Variants in PRDM5 observed in about 807,000 individuals in gnomAD.
PRDM5 encodes PR domain zinc finger protein 5.
Under a neutral mutation model 81.2 loss-of-function variants are expected in PRDM5, and 56 were observed. The ratio of observed to expected loss-of-function variants is 0.69; its 90% CI spans 0.56 to 0.86. PRDM5 has a LOEUF of 0.86. Ranked by LOEUF, PRDM5 falls within the 40% of genes least tolerant of loss-of-function variation. The pLI is 0.00. For synonymous variants in PRDM5, 267 were observed against 256.4 expected (o/e 1.04, Z -0.39); for missense variants, 697 against 770.1 (o/e 0.91, Z 1.12).
intron 3 of PRDM5, chr4:120,837,491 A>G (rs994862812): frequency 1.3e-5 from 2 of 152,230 alleles, no homozygotes; most frequent in Non-Finnish European, 2.9e-5. Flanking sequence ...AATCTTTTAC[A>G]TACAACTTAC....
chr4:120,831,826 T>A (rs1756754074), intron 3 of PRDM5, among the ~76,000 whole-genome samples: 1 of 152,148 alleles, frequency 6.6e-6, no homozygotes, highest in Non-Finnish European at 1.5e-5. Flanking sequence ...TTTATAAAAC[T>A]TAAGGTAAAA....
At chr4:120,697,819 G>A (rs35345473) in intron 15 of PRDM5, among the ~76,000 whole-genome samples, 42,759 of 151,174 alleles carry the variant, frequency 0.28, 6,842 homozygotes, top group Non-Finnish European at 0.35. Flanking sequence ...ACATCCAGCC[G>A]AGATTGTAAT....
At chr4:120,905,139 T>C (rs887391113) in intron 2 of PRDM5, among the ~76,000 whole-genome samples, 1 of 152,180 alleles carries the variant, frequency 6.6e-6, no homozygotes, top group African/African-American at 2.4e-5. Context: ...TCAGACAATA[T>C]CAATAACATT....
chr4:120,738,005 C>T (rs964009930), intron 14 of PRDM5, among the ~76,000 whole-genome samples: 1 of 152,172 alleles, frequency 6.6e-6, no homozygotes, highest in Non-Finnish European at 1.5e-5. Context: ...TTCCTGTCTA[C>T]ATGAAAGTCA....
intron 12 of PRDM5, among the ~76,000 whole-genome samples, chr4:120,780,462 C>A (rs1486127637): frequency 6.6e-6 from 1 of 151,924 alleles, no homozygotes; most frequent in Non-Finnish European, 1.5e-5. Flanking sequence ...GGAAAAAAGT[C>A]AACATTAAAA....
At chr4:120,907,368 A>T (rs554046289) in intron 2 of PRDM5, 106 bp downstream of exon 2, 3 of 993,128 alleles carry the variant, frequency 3.0e-6, no homozygotes, top group Non-Finnish European at 4.6e-6. Flanking sequence ...ACATTTCAAT[A>T]CTTAAATACT....
At position 120,898,585 on chromosome 4, in the gene PRDM5, T is replaced by C. The variant is rs149048851; in HGVS notation, c.177+8889A>G. ...TTCATCTCTCCAAAATTATCACCTC[T>C]CTGGAGCTTTAGTCACTCTAGGACT... is the stretch of plus-strand genomic sequence containing the variant. On this transcript the variant is annotated intron_variant, in intron 2 of 15. Coordinates refer to ENST00000264808, the MANE Select transcript of PRDM5 (RefSeq NM_018699.4). 1.7e-3 allele frequency among the ~76,000 whole-genome samples: 259 copies of C among 152,264 alleles called. 2 individuals carry two copies. Among genetic ancestry groups the C allele is most frequent in the African/African-American group, 6.0e-3 (248 of 41,554 alleles).
At chr4:120,822,715 A>G (rs1353164979) in intron 3 of PRDM5, among the ~76,000 whole-genome samples, 1 of 152,172 alleles carries the variant, frequency 6.6e-6, no homozygotes, top group African/African-American at 2.4e-5. Context: ...TTGTAATTTT[A>G]AAACAATATA....
chr4:120,838,822 A>C (rs1757662171), intron 3 of PRDM5: 1 of 176,276 alleles, frequency 5.7e-6, no homozygotes, highest in South Asian at 1.8e-4. Context: ...TCGACCTGGC[A>C]GGCTGTGTTC....
intron 15 of PRDM5, among the ~76,000 whole-genome samples, chr4:120,700,001 A>C (rs1037726620): frequency 3.3e-5 from 5 of 150,264 alleles, no homozygotes; most frequent in Non-Finnish European, 4.4e-5. Flanking sequence ...AATCCTAAGC[A>C]AAAAGAACAA....
chr4:120,904,537 G>A (rs1765582983), intron 2 of PRDM5, among the ~76,000 whole-genome samples: 1 of 152,164 alleles, frequency 6.6e-6, no homozygotes, highest in African/African-American at 2.4e-5. Context: ...TCGTGTGAGT[G>A]TACCATTACC....
intron 2 of PRDM5, among the ~76,000 whole-genome samples, chr4:120,892,192 G>T (rs1764127792): frequency 6.6e-6 from 1 of 151,842 alleles, no homozygotes; most frequent in African/African-American, 2.4e-5. Context: ...ATGATTTTAG[G>T]GTTTTTTTTT....
chr4:120,881,442 TCA>T (rs1314191144), intron 2 of PRDM5, among the ~76,000 whole-genome samples: 1 of 152,232 alleles, frequency 6.6e-6, no homozygotes, highest in Non-Finnish European at 1.5e-5. Flanking sequence ...ATGACATTTT[TCA>T]CAGAGTCTAC....
At chr4:120,787,318 G>A (rs756360397) in intron 10 of PRDM5, among the ~76,000 whole-genome samples, 16 of 152,160 alleles carry the variant, frequency 1.1e-4, no homozygotes, top group Non-Finnish European at 1.9e-4. Context: ...GCAGTCAGAA[G>A]AATGGGAGAA....
In PRDM5 at chr4:120,777,177, A is replaced by C. The variant is rs1397087770; in HGVS notation, c.1537+11T>G. On this transcript the variant is annotated intron_variant, in intron 13 of 15. Transcript: ENST00000264808. ...GTGGTTTTTTCACTAGTCTAATTAC[A>C]ATCTCCATACCTGTGTGGCTCCGGA... 3 of 1,613,222 alleles carry C rather than the reference A, an allele frequency of 1.9e-6. No individual in the cohort carries two copies. Among genetic ancestry groups the C allele is most frequent in the East Asian group, 2.2e-5 (1 of 44,836 alleles).
In PRDM5 at chr4:120,717,074, A is replaced by C. The variant is rs1012485000; in HGVS notation, c.1624-6661T>G. Among the ~76,000 whole-genome samples the C allele has an allele frequency of 9.9e-5, 15 of 150,766 alleles. 1 individual carries two copies. The highest frequency in any genetic ancestry group is 7.3e-4 in the Admixed American group (11 of 15,122). On this transcript the variant is annotated intron_variant, in intron 14 of 15. Coordinates refer to ENST00000264808, the MANE Select transcript of PRDM5 (RefSeq NM_018699.4). ...CTTTGAACATTGTGAAAAAAAAAAA[A>C]AAAAACTTCATTGCCTCTAGAGCCT...
At chr4:120,725,199 AAC>A (rs1739211699) in intron 14 of PRDM5, among the ~76,000 whole-genome samples, 1 of 152,112 alleles carries the variant, frequency 6.6e-6, no homozygotes, top group South Asian at 2.1e-4. Flanking sequence ...TTCCAAAGGT[AAC>A]TGCAGAAGTT....
chr4:120,915,473 CAA>C (rs1724025285), intron 1 of PRDM5, among the ~76,000 whole-genome samples: 1 of 2,586 alleles, frequency 3.9e-4, no homozygotes, highest in South Asian at 0.17. Flanking sequence ...GATGGGAGAA[CAA>C]AGAGACTTCC....
chr4:120,818,324 T>C, intron 5 of PRDM5, 29 bp downstream of exon 5: 1 of 1,602,620 alleles, frequency 6.2e-7, no homozygotes, highest in Non-Finnish European at 8.5e-7. Context: ...TAGCTTATAA[T>C]TTTAAAGATA....
Sources: gnomAD v4.1 joint callset for allele counts (sites outside exome capture counted in the v4.1 genomes callset) on GRCh38, gnomAD v4.1.1 for gene constraint, MANE v1.5 for transcripts, NCBI Gene and HGNC (gene_info 2026-07-23, HGNC 2026-07-21) for gene names.